The following OTUD7A variants were observed in gnomAD, a reference collection of about 807,000 sequenced individuals.
OTUD7A encodes OTU deubiquitinase 7A.
A neutral mutation model predicts 65.7 loss-of-function variants in OTUD7A; 12 were observed. The ratio of observed to expected loss-of-function variants is 0.18; its 90% CI spans 0.12 to 0.30. The LOEUF (loss-of-function observed/expected upper bound fraction) is 0.30. Among genes scored for constraint, OTUD7A ranks in the 10% least tolerant of loss-of-function variants. The pLI, the probability that OTUD7A is intolerant of heterozygous loss-of-function variation, is 1.00. For synonymous variants in OTUD7A, 641 were observed against 586.3 expected, an observed-to-expected ratio of 1.09 and a Z score of -1.35; for missense variants, 1,148 against 1,304.8, an observed-to-expected ratio of 0.88 and a Z score of 1.85.
chr15:31,645,210 C>T (rs1321119188), intron 3 of OTUD7A, among the ~76,000 whole-genome samples: 1 of 152,214 alleles, frequency 6.6e-6, no homozygotes, highest in Admixed American at 6.5e-5. Flanking sequence ...TGGGCAATTA[C>T]AGGACTAACC....
chr15:31,723,276 C>T (rs1474896636), intron 1 of OTUD7A, among the ~76,000 whole-genome samples: 1 of 152,048 alleles, frequency 6.6e-6, no homozygotes, highest in African/African-American at 2.4e-5. Flanking sequence ...GAGGTGCTGC[C>T]CCACCTCACC....
In OTUD7A at chr15:31,802,141, G is replaced by GTATATA. The variant is rs1555419391; in HGVS notation, c.-100+68360_-100+68365dup. The stretch of plus-strand genomic sequence containing the variant: ...TGTGTGTGTGTGTGTGTGTGTGTGT[G>GTATATA]TATATATATATATGTAAAGGGGAGT... On this transcript the variant is annotated intron_variant, in intron 1 of 12. Transcript: ENST00000307050. Among the ~76,000 whole-genome samples the GTATATA allele has an allele frequency of 6.9e-3, 978 of 142,556 alleles. 7 individuals are homozygous for GTATATA. Among genetic ancestry groups the GTATATA allele is most frequent in the South Asian group, 0.038 (164 of 4,286 alleles). The allele number at this position is 142,556 out of a possible 152,430, so 93.5% of individuals were successfully genotyped here.
intron 3 of OTUD7A, among the ~76,000 whole-genome samples, chr15:31,619,046 T>G (rs145772152): frequency 0.021 from 3,150 of 152,300 alleles, 101 homozygotes; most frequent in African/African-American, 0.073. Flanking sequence ...TTTCCCCATT[T>G]CTTGTTTTTG....
Position 31,746,216 on chromosome 15 carries a change from T to TAC in OTUD7A, c.-99-89141_-99-89140dup, listed in dbSNP as rs1894472202. On this transcript the variant is annotated intron_variant, in intron 1 of 12. Coordinates refer to ENST00000307050, the MANE Select transcript of OTUD7A (RefSeq NM_001382637.1). ...TGCAAGAGAAATGAAAACATGTGTCTACACACACAAAGACTTGTACAAGAA... is the reference window on the plus strand; with the variant it reads ...TGCAAGAGAAATGAAAACATGTGTCTACACACACACAAAGACTTGTACAAGAA... Among the ~76,000 whole-genome samples the TAC allele has an allele frequency of 3.3e-5, 5 of 152,324 alleles. No homozygotes were observed. In the South Asian group the frequency reaches 1.0e-3, roughly 32 times the overall value.
chr15:31,483,738 C>T lies in OTUD7A; in HGVS notation c.2358G>A (p.Ala786=), dbSNP rs1490012272. ...QSVIHVQASG[A]RDEACAPAVG... ...CGGCCGGCGCGCACGCCTCGTCCCG[C>T]GCGCCCGACGCCTGCACGTGGATGA... The change falls in exon 13 of 13, where the codon GCG becomes GCA. Residue 786 remains alanine, a synonymous_variant. Coordinates refer to ENST00000307050, the MANE Select transcript of OTUD7A (RefSeq NM_001382637.1). 2 of 1,106,174 alleles carry T rather than the reference C, an allele frequency of 1.8e-6. No homozygotes were observed. The highest frequency in any genetic ancestry group is 1.7e-5 in the African/African-American group (1 of 59,540). 68.5% of individuals were successfully genotyped at this position (1,106,174 alleles called of 1,614,324 possible). A position where few individuals can be genotyped will look rare whatever the true frequency, so the allele number is the denominator to read the frequency against.
chr15:31,539,272 C>A (rs1887909673), intron 5 of OTUD7A, among the ~76,000 whole-genome samples: 2 of 152,138 alleles, frequency 1.3e-5, no homozygotes, highest in African/African-American at 4.8e-5. Flanking sequence ...CTAGGCATAG[C>A]AGGACTTTCC....
At position 31,481,297 on chromosome 15, in the gene OTUD7A, G is replaced by A. The variant is rs866968609; in HGVS notation, c.*1997C>T. 5 of 152,162 alleles carry A rather than the reference G, an allele frequency of 3.3e-5. No homozygotes were observed. The highest frequency in any genetic ancestry group is 7.3e-5 in the Non-Finnish European group (5 of 68,040). The allele number at this position is 152,162 out of a possible 1,614,324, so 9.4% of individuals were successfully genotyped here. On this transcript the variant is annotated 3_prime_UTR_variant, in exon 13 of 13. Coordinates refer to ENST00000307050, the MANE Select transcript of OTUD7A (RefSeq NM_001382637.1). ...GGTGTCTCAATCTTTTAAGAGTGAC[G>A]AGCATGAGGAGTGGCTGGCATCCAC...
chr15:31,816,675 G>A (rs28642801), intron 1 of OTUD7A, among the ~76,000 whole-genome samples: 20 of 150,984 alleles, frequency 1.3e-4, no homozygotes, highest in Admixed American at 3.9e-4. Context: ...GTGACAGAGC[G>A]AGACTCCGTC....
intron 5 of OTUD7A, among the ~76,000 whole-genome samples, chr15:31,546,186 T>C (rs1441058438): frequency 1.3e-5 from 2 of 152,212 alleles, no homozygotes; most frequent in East Asian, 3.8e-4. Flanking sequence ...AAATTCCCTA[T>C]GGATACTGAG....
At chr15:31,834,651 C>T (rs980002106) in intron 1 of OTUD7A, among the ~76,000 whole-genome samples, 1 of 152,118 alleles carries the variant, frequency 6.6e-6, no homozygotes, top group South Asian at 2.1e-4. Context: ...ATTCTTTAGG[C>T]CAATTGTCGA....
chr15:31,642,935 CT>C (rs564017250), intron 3 of OTUD7A, among the ~76,000 whole-genome samples: 13 of 150,796 alleles, frequency 8.6e-5, no homozygotes, highest in East Asian at 1.9e-4. Flanking sequence ...TTAATTTGCT[CT>C]TTTTTTTTCT....
chr15:31,568,740 C>T (rs1888955380), intron 4 of OTUD7A, among the ~76,000 whole-genome samples: 1 of 152,196 alleles, frequency 6.6e-6, no homozygotes, highest in African/African-American at 2.4e-5. Flanking sequence ...TCGGGCCAAC[C>T]CCTTGGTGAT....
chr15:31,533,301 A>T (rs1818227040), intron 5 of OTUD7A, among the ~76,000 whole-genome samples: 2 of 150,128 alleles, frequency 1.3e-5, no homozygotes, highest in Non-Finnish European at 2.9e-5. Flanking sequence ...CAGTGGTGCA[A>T]TTTCAGCTCA....
chr15:31,558,616 C>T (rs1888577235), intron 5 of OTUD7A: 1 of 294,510 alleles, frequency 3.4e-6, no homozygotes, highest in African/African-American at 2.1e-5. Context: ...TTCTCTAAAG[C>T]CCATGGTCTT....
intron 1 of OTUD7A, chr15:31,766,324 A>G: frequency 1.2e-6 from 2 of 1,604,452 alleles, no homozygotes; most frequent in Non-Finnish European, 1.7e-6. Context: ...ATACGCATTA[A>G]AAGTTGAAGC....
chr15:31,740,753 T>C (rs942187067), intron 1 of OTUD7A, among the ~76,000 whole-genome samples: 4 of 152,118 alleles, frequency 2.6e-5, no homozygotes, highest in Non-Finnish European at 2.9e-5. Flanking sequence ...AAGTAATAAA[T>C]TGGCAGACTG....
At chr15:31,561,039 T>C (rs1888670639) in intron 4 of OTUD7A, among the ~76,000 whole-genome samples, 1 of 152,258 alleles carries the variant, frequency 6.6e-6, no homozygotes, top group African/African-American at 2.4e-5. Context: ...TCATGTATTT[T>C]TCCCATTAAA....
intron 1 of OTUD7A, among the ~76,000 whole-genome samples, chr15:31,723,085 T>G (rs1893784896): frequency 6.6e-6 from 1 of 150,778 alleles, no homozygotes. Flanking sequence ...GTCAGGAGAG[T>G]GGAAGATAGG....
intron 3 of OTUD7A, 104 bp from the exon 4 acceptor site, chr15:31,570,301 T>G (rs1889010140): frequency 1.5e-6 from 2 of 1,302,448 alleles, no homozygotes; most frequent in African/African-American, 1.5e-5. Flanking sequence ...GGACATAAAC[T>G]AATGAATTTT....
Sources: allele counts gnomAD v4.1 joint callset (sites outside exome capture counted in the v4.1 genomes callset), GRCh38; gene constraint gnomAD v4.1.1; transcripts MANE v1.5; gene names NCBI Gene and HGNC (gene_info 2026-07-23, HGNC 2026-07-21).